TMC3: variants seen among roughly 807,000 people sequenced by gnomAD.
The protein encoded by TMC3 is transmembrane channel-like protein 3.
Under a neutral mutation model 110.6 loss-of-function variants are expected in TMC3, and 98 were observed. That is an observed-to-expected ratio of 0.89 (90% CI 0.75 to 1.05). TMC3 has a LOEUF of 1.05. TMC3 is among the 50% of genes least tolerant of loss of function. The probability of loss-of-function intolerance (pLI) is 0.00; values close to 1 mark genes in which losing one functional copy is unlikely to be tolerated. For synonymous variants in TMC3, 489 were observed against 513.1 expected, an observed-to-expected ratio of 0.95 and a Z score of 0.63; for missense variants, 1,319 against 1,373.2, an observed-to-expected ratio of 0.96 and a Z score of 0.62.
chr15:81,370,204 G>T (rs1215193297), intron 2 of TMC3, among the ~76,000 whole-genome samples: 1 of 152,224 alleles, frequency 6.6e-6, no homozygotes, highest in Non-Finnish European at 1.5e-5. Context: ...TCTTGCTCCA[G>T]ACTCAGGGTT....
intron 2 of TMC3, 82 bp downstream of exon 2, chr15:81,372,509 A>T: frequency 6.4e-7 from 1 of 1,560,368 alleles, no homozygotes; most frequent in Non-Finnish European, 8.8e-7. Context: ...ATGAGTCTTT[A>T]TCCTCGTTCC....
intron 2 of TMC3, 91 bp from the exon 3 acceptor site, chr15:81,368,419 A>C (rs189641168): frequency 1.1e-6 from 1 of 915,824 alleles, no homozygotes; most frequent in Admixed American, 1.8e-5. Context: ...ATAGGTTGCC[A>C]TCTTGTCCTG....
intron 3 of TMC3, among the ~76,000 whole-genome samples, chr15:81,366,005 CATT>C (rs763764766): frequency 1.2e-4 from 18 of 152,060 alleles, no homozygotes; most frequent in East Asian, 5.8e-4. Context: ...ATACATTTAT[CATT>C]ATACATGTAT....
chr15:81,358,279 A>G lies in TMC3; in HGVS notation c.613T>C (p.Tyr205His). 1 of 1,609,064 alleles carries G rather than the reference A, an allele frequency of 6.2e-7. No homozygotes were observed. The highest frequency in any genetic ancestry group is 1.7e-4 in the Middle Eastern group (1 of 6,016). Residue 205 changes from tyrosine (Y) to histidine (H), a missense_variant, in exon 7 of 22, where the codon TAC becomes CAC. Transcript: ENST00000359440. The stretch of plus-strand genomic sequence containing the variant: ...TAATATCCGTAGAAGAGGACAGAGT[A>G]CTGGAGGTAGCCCTGCAAAGAAAAC... ...TVWSLGGYLQ[Y>H]SVLFYGYYGR... is the part of the protein sequence containing the mutation.
At chr15:81,336,984 A>G (rs1363450477) in intron 19 of TMC3, among the ~76,000 whole-genome samples, 1 of 152,224 alleles carries the variant, frequency 6.6e-6, no homozygotes, top group Non-Finnish European at 1.5e-5. Flanking sequence ...GTATGTTTCC[A>G]CCAAAATGGC....
Position 81,345,747 on chromosome 15 carries a change from G to A in TMC3, c.1272+618C>T, listed in dbSNP as rs528148871. Among the ~76,000 whole-genome samples, 16 of 152,162 alleles carry A rather than the reference G, an allele frequency of 1.1e-4. No individual in the cohort carries two copies. The East Asian group carries it at 2.1e-3, about 20-fold the overall frequency. On this transcript the variant is annotated intron_variant, in intron 12 of 21. Transcript: ENST00000359440. ...AAATAGCCAGATGCAGCGGTGGCACGCAGCTCTAGTCCCAGCTACTCTGGA... is the reference window on the plus strand; with the variant it reads ...AAATAGCCAGATGCAGCGGTGGCACACAGCTCTAGTCCCAGCTACTCTGGA...
At chr15:81,368,074 A>G (rs1276173112) in intron 3 of TMC3, among the ~76,000 whole-genome samples, 179 bp downstream of exon 3, 1 of 152,144 alleles carries the variant, frequency 6.6e-6, no homozygotes, top group Non-Finnish European at 1.5e-5. Flanking sequence ...AGCTGGGACT[A>G]CAGGCGCCTG....
Position 81,333,263 on chromosome 15 carries a change from CTG to C in TMC3, c.2460-3_2460-2del. 2.5e-6 allele frequency: 4 copies of C among 1,599,426 alleles called. No homozygotes were observed. The highest frequency in any genetic ancestry group is 3.4e-6 in the Non-Finnish European group (4 of 1,170,748). Reference sequence around the variant, plus strand: ...GCTTGCACACAGACCGTGCAGATACCTGTAAGACAGGGGCGGTTAAGTAGCTG... The same window carrying C: ...GCTTGCACACAGACCGTGCAGATACCTAAGACAGGGGCGGTTAAGTAGCTG... On this transcript the variant is annotated splice_acceptor_variant and splice_polypyrimidine_tract_variant and intron_variant, in intron 21 of 21. Coordinates refer to ENST00000359440, the MANE Select transcript of TMC3 (RefSeq NM_001080532.3). LOFTEE classifies it high-confidence loss of function.
Position 81,334,940 on chromosome 15 carries a change from GCTT to G in TMC3, c.2236_2238del (p.Lys746del). On this transcript the variant is annotated inframe_deletion, in exon 21 of 22. Coordinates refer to ENST00000359440, the MANE Select transcript of TMC3 (RefSeq NM_001080532.3). ...CTGGTAAGATCACTGTCGTTTGGAA[GCTT>G]CTTGGTGCTTTCTTCCTGGGTCTGG... The G allele has an allele frequency of 6.2e-7, 1 of 1,614,034 alleles. No individual in the cohort carries two copies. Among genetic ancestry groups the G allele is most frequent in the South Asian group, 1.1e-5 (1 of 91,078 alleles).
chr15:81,338,813 A>G (rs1296769064), intron 17 of TMC3, 33 bp from the exon 18 acceptor site: 2 of 1,610,296 alleles, frequency 1.2e-6, no homozygotes, highest in African/African-American at 1.3e-5. Flanking sequence ...TCCAGATTTT[A>G]TTGCTCTTGG....
intron 7 of TMC3, among the ~76,000 whole-genome samples, chr15:81,357,573 G>A (rs768822775): frequency 6.6e-6 from 1 of 152,000 alleles, no homozygotes; most frequent in East Asian, 1.9e-4. Context: ...TCTCACAGTC[G>A]GGGTGGTGCA....
intron 3 of TMC3, among the ~76,000 whole-genome samples, chr15:81,367,753 C>T (rs1038524920): frequency 3.9e-5 from 6 of 152,124 alleles, no homozygotes; most frequent in East Asian, 1.9e-4. Context: ...GAAGGGAAGG[C>T]GTCTAGGACT....
At chr15:81,343,014 T>C in intron 15 of TMC3, 1 of 394,510 alleles carries the variant, frequency 2.5e-6, no homozygotes, top group Non-Finnish European at 4.6e-6. Context: ...CCTAAGAGTG[T>C]ATTCTACTGG....
chr15:81,334,642 C>T, intron 21 of TMC3, 78 bp downstream of exon 21: 1 of 1,507,690 alleles, frequency 6.6e-7, no homozygotes, highest in Non-Finnish European at 8.9e-7. Context: ...AATTTAATGG[C>T]CTTGGCCTCC....
chr15:81,333,335 G>A, intron 21 of TMC3, 73 bp from the exon 22 acceptor site: 1 of 1,531,994 alleles, frequency 6.5e-7, no homozygotes, highest in East Asian at 2.3e-5. Context: ...ACTGTGAGCT[G>A]TGAGCAGTTC....
intron 20 of TMC3, 36 bp from the exon 21 acceptor site, chr15:81,335,011 G>A (rs1413336435): frequency 6.2e-7 from 1 of 1,605,954 alleles, no homozygotes; most frequent in African/African-American, 1.3e-5. Flanking sequence ...GAAGACAGGT[G>A]TCACTGAGCA....
chr15:81,332,657 G>A lies in TMC3; in HGVS notation c.3065C>T (p.Pro1022Leu). ...CCCTCTGGGCTTCAGAGGGGGCTGT[G>A]GGTATTGGAAATTCCGGGATCGTGG... ...RKPRSRNFQY[P>L]QPPLKPRGKP... Residue 1022 changes from proline to leucine, a missense_variant, in exon 22 of 22, where the codon CCA becomes CTA. Pro to Leu is a moderately conservative substitution (Grantham distance 98, BLOSUM62 -3). Transcript: ENST00000359440. 1 of 1,613,996 alleles carries A rather than the reference G, an allele frequency of 6.2e-7. No individual in the cohort carries two copies. Among genetic ancestry groups the A allele is most frequent in the Non-Finnish European group, 8.5e-7 (1 of 1,179,892 alleles).
chr15:81,359,608 G>A (rs1596091910), intron 4 of TMC3, 137 bp from the exon 5 acceptor site: 2 of 602,832 alleles, frequency 3.3e-6, no homozygotes, highest in East Asian at 5.9e-5. Context: ...CAATCGAGGT[G>A]TTCCTTCCTA....
intron 4 of TMC3, 41 bp downstream of exon 4, chr15:81,362,179 G>A (rs772824713): frequency 6.5e-7 from 1 of 1,530,088 alleles, no homozygotes. Context: ...CTGGCCACTA[G>A]CATTGCATTC....
Sources: gnomAD v4.1 joint callset for allele counts (sites outside exome capture counted in the v4.1 genomes callset) on GRCh38, gnomAD v4.1.1 for gene constraint, MANE v1.5 for transcripts, NCBI Gene and HGNC (gene_info 2026-07-23, HGNC 2026-07-21) for gene names.